Variants in CYP26A1 observed in about 807,000 individuals in gnomAD.
The protein encoded by CYP26A1 is cytochrome P450 26A1.
A neutral mutation model predicts 47.4 loss-of-function variants in CYP26A1; 46 were observed. The ratio of observed to expected loss-of-function variants is 0.97; its 90% CI spans 0.77 to 1.24. The LOEUF is 1.24. Ranked by LOEUF, CYP26A1 falls within the 50% of genes most tolerant of loss-of-function variation. CYP26A1 has a pLI of 0.00. For synonymous variants in CYP26A1, 277 were observed against 263.7 expected, an observed-to-expected ratio of 1.05 and a Z score of -0.49; for missense variants, 680 against 644.4, an observed-to-expected ratio of 1.06 and a Z score of -0.60.
rs1846936258 is a variant in CYP26A1, at chr10:93,074,219, C to T, written c.190-89C>T. 4 of 1,525,634 alleles carry T rather than the reference C, an allele frequency of 2.6e-6. No individual in the cohort carries two copies. In the African/African-American group the frequency reaches 4.1e-5, roughly 16 times the overall value. 94.5% of individuals were successfully genotyped at this position (1,525,634 alleles called of 1,614,324 possible). A position where few individuals can be genotyped will look rare whatever the true frequency, so the allele number is the denominator to read the frequency against. The stretch of plus-strand genomic sequence containing the variant: ...GGGGTAGGCGCCCCCGGGAGGCATG[C>T]TATTGCGGCTAGGAGCAGGGCTGGC... On this transcript the variant is annotated intron_variant, in intron 1 of 6. Transcript: ENST00000224356. This position sits in a 1 kb window ranked among gnomAD's most constrained non-coding sequence, Gnocchi z 5.3.
chr10:93,074,121 C>T lies in CYP26A1; in HGVS notation c.187C>T (p.Gln63Ter). ...FFGETLQMVLQRRKFLQMKRR... is the reference protein window; with the variant it reads ...FFGETLQMVL ...TGGGGAAACCTTGCAGATGGTACTG[C>T]AGGTAAGGGAGGGTGGGGCGGGACA... Residue 63 changes from glutamine (Q) to a stop codon, truncating the protein, a stop_gained and splice_region_variant, in exon 1 of 7, where the codon CAG (glutamine) becomes TAG (stop). Transcript: ENST00000224356. LOFTEE classifies it high-confidence loss of function. The surrounding 1 kb of genome is among the most constrained non-coding windows in gnomAD (Gnocchi z 5.3). 1.3e-6 allele frequency: 1 copy of T among 793,762 alleles called. No individual in the cohort carries two copies. The highest frequency in any genetic ancestry group is 1.9e-6 in the Non-Finnish European group (1 of 519,946). 49.2% of individuals were successfully genotyped at this position (793,762 alleles called of 1,614,324 possible).
rs1188496968 is a variant in CYP26A1 at position 93,075,168 on chromosome 10, T to A, written c.725T>A (p.Leu242His). ...GLYRGMKARN[L>H]IHARIEQNIR... ...GCTCAGGGCATGAAGGCGCGGAACC[T>A]CATTCACGCGCGCATCGAGCAGAAC... Residue 242 changes from leucine (L) to histidine (H), a missense_variant, in exon 4 of 7, where the codon CTC (leucine) becomes CAC (histidine). By Grantham distance (99) the Leu-to-His change is moderately conservative. Coordinates refer to ENST00000224356, the MANE Select transcript of CYP26A1 (RefSeq NM_000783.4). 1 of 1,613,582 alleles carries A rather than the reference T, an allele frequency of 6.2e-7. No individual in the cohort carries two copies.
At chr10:93,075,123 C>T (rs758707318) in intron 3 of CYP26A1, 26 bp from the exon 4 acceptor site, 5 of 1,611,158 alleles carry the variant, frequency 3.1e-6, no homozygotes, top group South Asian at 1.1e-5. Context: ...GGCGTCTGCT[C>T]ACCGCCGCGC....
chr10:93,075,984 G>A, intron 5 of CYP26A1, 24 bp downstream of exon 5: 4 of 1,598,520 alleles, frequency 2.5e-6, no homozygotes, highest in Non-Finnish European at 3.4e-6. Flanking sequence ...GTCTGGGGGT[G>A]TCCTTATTAG....
rs1255272632 is a variant in CYP26A1 at position 93,075,229 on chromosome 10, G to T, written c.786G>T (p.Glu262Asp). ...AGATCTGCGGGCTGCGGGCATCCGA[G>T]GCGGGCCAGGGCTGCAAAGACGCGC... is the stretch of plus-strand genomic sequence containing the variant. ...RAKICGLRAS[E>D]AGQGCKDALQ... is the part of the protein sequence containing the mutation. The change falls in exon 4 of 7, where the codon GAG becomes GAT. Residue 262 changes from glutamate to aspartate, a missense_variant. By Grantham distance (45) the Glu-to-Asp change is conservative. Transcript: ENST00000224356. The T allele has an allele frequency of 6.2e-7, 1 of 1,613,930 alleles. No individual in the cohort carries two copies. The highest frequency in any genetic ancestry group is 1.1e-5 in the South Asian group (1 of 91,094).
chr10:93,073,709 G>T (rs756236466), upstream of CYP26A1: 1 of 533,084 alleles, frequency 1.9e-6, no homozygotes, highest in Non-Finnish European at 3.3e-6. Context: ...AGCCGCCACC[G>T]CGCCGCCTCT....
intron 4 of CYP26A1, 85 bp downstream of exon 4, chr10:93,075,392 C>A: frequency 7.5e-7 from 1 of 1,326,870 alleles, no homozygotes; most frequent in Non-Finnish European, 1.0e-6. Flanking sequence ...AAAGCGCGCG[C>A]CTGGGGCCCA....
rs1245901933 is a variant in CYP26A1 at position 93,076,953 on chromosome 10, T to C, written c.1153-10T>C. Reference sequence around the variant, plus strand: ...TTTGTCAGCCCTTGGGGTTTCATAATCTTTTGCAGGGATACCAGATTCCCA... The same window carrying C: ...TTTGTCAGCCCTTGGGGTTTCATAACCTTTTGCAGGGATACCAGATTCCCA... On this transcript the variant is annotated splice_polypyrimidine_tract_variant and intron_variant, in intron 6 of 6. Coordinates refer to ENST00000224356, the MANE Select transcript of CYP26A1 (RefSeq NM_000783.4). The C allele has an allele frequency of 6.5e-7, 1 of 1,535,066 alleles. No individual in the cohort carries two copies. The highest frequency in any genetic ancestry group is 8.8e-7 in the Non-Finnish European group (1 of 1,130,428).
In CYP26A1 at chr10:93,076,028, C is replaced by T. The variant is rs111500179; in HGVS notation, c.999+68C>T. 21 of 1,280,744 alleles carry T rather than the reference C, an allele frequency of 1.6e-5. No homozygotes were observed. The African/African-American group carries it at 2.2e-4, about 13-fold the overall frequency. The allele number at this position is 1,280,744 out of a possible 1,614,324, so 79.3% of individuals were successfully genotyped here. A position where few individuals can be genotyped will look rare whatever the true frequency, so the allele number is the denominator to read the frequency against. ...ATTCAGCTGCTCCCTAGCCAACTTCCGAATAAGTCAGTGTGCTGCCTTCAT... is the reference window on the plus strand; with the variant it reads ...ATTCAGCTGCTCCCTAGCCAACTTCTGAATAAGTCAGTGTGCTGCCTTCAT... On this transcript the variant is annotated intron_variant, in intron 5 of 6. Transcript: ENST00000224356.
In CYP26A1 at chr10:93,074,303, C is replaced by T. The variant is rs185421897; in HGVS notation, c.190-5C>T. ...CCACTTCTCTCCTCCGCCTTCCTCCCACAGCGGAGGAAGTTCCTGCAGATG... is the reference window on the plus strand; with the variant it reads ...CCACTTCTCTCCTCCGCCTTCCTCCTACAGCGGAGGAAGTTCCTGCAGATG... On this transcript the variant is annotated splice_region_variant and splice_polypyrimidine_tract_variant and intron_variant, in intron 1 of 6. Coordinates refer to ENST00000224356, the MANE Select transcript of CYP26A1 (RefSeq NM_000783.4). This position sits in a 1 kb window ranked among gnomAD's most constrained non-coding sequence, Gnocchi z 5.3. 3,020 of 1,573,194 alleles carry T rather than the reference C, an allele frequency of 1.9e-3. 25 individuals carry two copies. In the Admixed American group the frequency reaches 0.02, roughly 10 times the overall value.
rs1240191293 is a variant in CYP26A1 at position 93,077,850 on chromosome 10, C to T, written c.*546C>T. 1 of 152,210 alleles carries T rather than the reference C, an allele frequency of 6.6e-6. No individual in the cohort carries two copies. Among genetic ancestry groups the T allele is most frequent in the African/African-American group, 2.4e-5 (1 of 41,440 alleles). The allele number at this position is 152,210 out of a possible 1,614,324, so 9.4% of individuals were successfully genotyped here. A position where few individuals can be genotyped will look rare whatever the true frequency, so the allele number is the denominator to read the frequency against. On this transcript the variant is annotated 3_prime_UTR_variant, in exon 7 of 7. Transcript: ENST00000224356. ...ACTCTAACCTCTCCAGCTTATCTAA[C>T]ATGTCATAAACATAATAAATCTGTG...
rs774612401 is a variant in CYP26A1 at position 93,074,858 on chromosome 10, A to G, written c.494A>G (p.Glu165Gly). ...ACCGAGGAAGTGGGCAGCAGCCTGGAGCAGTGGCTGAGCTGCGGCGAGCGC... is the reference window on the plus strand; with the variant it reads ...ACCGAGGAAGTGGGCAGCAGCCTGGGGCAGTGGCTGAGCTGCGGCGAGCGC... ...VITEEVGSSL[E>G]QWLSCGERGL... The change falls in exon 3 of 7, where the codon GAG (glutamate) becomes GGG (glycine). Residue 165 changes from glutamate to glycine, a missense_variant. Transcript: ENST00000224356. This position sits in a 1 kb window ranked among gnomAD's most constrained non-coding sequence, Gnocchi z 5.3. 1.9e-6 allele frequency: 3 copies of G among 1,612,470 alleles called. No homozygotes were observed. Among genetic ancestry groups the G allele is most frequent in the East Asian group, 2.2e-5 (1 of 44,870 alleles).
In CYP26A1 at chr10:93,074,066, G is replaced by GC. The variant is rs753939763; in HGVS notation, c.138dup (p.Gly47ArgfsTer81). ...GCGACCGCAGTTGTGCCCTCCCATT[G>GC]CCCCCCGGGACTATGGGCTTCCCCT... On this transcript the variant is annotated frameshift_variant, in exon 1 of 7. Coordinates refer to ENST00000224356, the MANE Select transcript of CYP26A1 (RefSeq NM_000783.4). LOFTEE classifies it high-confidence loss of function. The surrounding 1 kb of genome is among the most constrained non-coding windows in gnomAD (Gnocchi z 5.3). The GC allele has an allele frequency of 2.4e-5, 32 of 1,354,464 alleles. No individual in the cohort carries two copies. In the East Asian group the frequency reaches 8.6e-4, roughly 36 times the overall value. The allele number at this position is 1,354,464 out of a possible 1,614,324, so 83.9% of individuals were successfully genotyped here.
Position 93,074,203 on chromosome 10 carries a change from G to T in CYP26A1, c.189+80G>T. ...GGCTTCTGCTGAAGTCGGGGTAGGC[G>T]CCCCCGGGAGGCATGCTATTGCGGC... On this transcript the variant is annotated intron_variant, in intron 1 of 6. Coordinates refer to ENST00000224356, the MANE Select transcript of CYP26A1 (RefSeq NM_000783.4). This position sits in a 1 kb window ranked among gnomAD's most constrained non-coding sequence, Gnocchi z 5.3. 6.6e-7 allele frequency: 1 copy of T among 1,515,454 alleles called. No individual in the cohort carries two copies. Among genetic ancestry groups the T allele is most frequent in the South Asian group, 1.2e-5 (1 of 80,524 alleles). The allele number at this position is 1,515,454 out of a possible 1,614,324, so 93.9% of individuals were successfully genotyped here.
Position 93,076,638 on chromosome 10 carries a change from G to T in CYP26A1, c.1094G>T (p.Arg365Leu). ...GGGTGTGTTATTAAGGAGACCCTTC[G>T]ACTGAATCCCCCAGTTCCAGGAGGG... ...YIGCVIKETL[R>L]LNPPVPGGFR... Residue 365 changes from arginine (R) to leucine (L), a missense_variant, in exon 6 of 7, where the codon CGA becomes CTA. Physicochemically the swap from Arg to Leu is moderately radical, Grantham distance 102 (BLOSUM62 -2). Coordinates refer to ENST00000224356, the MANE Select transcript of CYP26A1 (RefSeq NM_000783.4). 6.2e-7 allele frequency: 1 copy of T among 1,610,598 alleles called. No homozygotes were observed. Among genetic ancestry groups the T allele is most frequent in the Non-Finnish European group, 8.5e-7 (1 of 1,176,846 alleles).
In CYP26A1 at chr10:93,077,555, G is replaced by A. The variant is rs1846993704; in HGVS notation, c.*251G>A. ...AACTCACCAGTTTAGTATTTTCTTA[G>A]TGTATTTAACCAGATTTTACAATGC... On this transcript the variant is annotated 3_prime_UTR_variant, in exon 7 of 7. Transcript: ENST00000224356. The A allele has an allele frequency of 3.8e-6, 1 of 260,898 alleles. No individual in the cohort carries two copies. Among genetic ancestry groups the A allele is most frequent in the Non-Finnish European group, 7.1e-6 (1 of 140,974 alleles). The allele number at this position is 260,898 out of a possible 1,614,324, so 16.2% of individuals were successfully genotyped here.
Position 93,076,612 on chromosome 10 carries a change from C to A in CYP26A1, c.1068C>A (p.Ile356=), listed in dbSNP as rs771602770. 6.2e-7 allele frequency: 1 copy of A among 1,603,998 alleles called. No individual in the cohort carries two copies. The highest frequency in any genetic ancestry group is 1.7e-5 in the Admixed American group (1 of 59,984). Residue 356 remains isoleucine, a synonymous_variant, in exon 6 of 7, where the codon ATC becomes ATA. Transcript: ENST00000224356. Reference sequence around the variant, plus strand: ...AAATTTTGGAACAACTTAAATACATCGGGTGTGTTATTAAGGAGACCCTTC... The same window carrying A: ...AAATTTTGGAACAACTTAAATACATAGGGTGTGTTATTAAGGAGACCCTTC... ...DMEILEQLKY[I]GCVIKETLRL...
chr10:93,075,231 C>A lies in CYP26A1; in HGVS notation c.788C>A (p.Ala263Glu), dbSNP rs984584398. The change falls in exon 4 of 7, where the codon GCG becomes GAG. Residue 263 changes from alanine to glutamate, a missense_variant. Physicochemically the swap from Ala to Glu is moderately radical, Grantham distance 107 (BLOSUM62 -1). Coordinates refer to ENST00000224356, the MANE Select transcript of CYP26A1 (RefSeq NM_000783.4). The stretch of plus-strand genomic sequence containing the variant: ...ATCTGCGGGCTGCGGGCATCCGAGG[C>A]GGGCCAGGGCTGCAAAGACGCGCTG... ...AKICGLRASE[A>E]GQGCKDALQL... The A allele has an allele frequency of 3.7e-6, 6 of 1,614,008 alleles. No homozygotes were observed. The African/African-American group carries it at 4.0e-5, about 11-fold the overall frequency.
intron 5 of CYP26A1, 25 bp downstream of exon 5, chr10:93,075,985 T>C: frequency 6.3e-7 from 1 of 1,598,694 alleles, no homozygotes; most frequent in Non-Finnish European, 8.6e-7. Context: ...TCTGGGGGTG[T>C]CCTTATTAGC....
Sources: gnomAD v4.1 joint callset for allele counts on GRCh38, gnomAD v4.1.1 for gene constraint, Gnocchi (gnomAD v3.1) non-coding constraint, MANE v1.5 for transcripts, NCBI Gene and HGNC (gene_info 2026-07-23, HGNC 2026-07-21) for gene names.